The following BLOC1S2 variants were observed in gnomAD, a reference collection of about 807,000 sequenced individuals.
BLOC1S2 encodes biogenesis of lysosomal organelles complex 1 subunit 2.
Under a neutral mutation model 19.6 loss-of-function variants are expected in BLOC1S2, and 12 were observed. The ratio of observed to expected loss-of-function variants is 0.61; its 90% CI spans 0.39 to 0.99. BLOC1S2 has a LOEUF of 0.99. Ranked by LOEUF, BLOC1S2 falls within the 50% of genes least tolerant of loss-of-function variation. The probability of loss-of-function intolerance (pLI) is 0.00; values close to 1 mark genes in which losing one functional copy is unlikely to be tolerated. For missense variants in BLOC1S2, 142 were observed against 171.0 expected, an observed-to-expected ratio of 0.83 and a Z score of 0.95; for synonymous variants, 66 against 64.1, an observed-to-expected ratio of 1.03 and a Z score of -0.14.
intron 4 of BLOC1S2, among the ~76,000 whole-genome samples, chr10:100,277,047 T>C (rs1433963725): frequency 1.1e-4 from 16 of 147,428 alleles, no homozygotes; most frequent in Non-Finnish European, 2.0e-4. Flanking sequence ...CCATCCCACC[T>C]GGGAAGTGAG....
chr10:100,278,434 G>A (rs1195981193), intron 4 of BLOC1S2, among the ~76,000 whole-genome samples: 1 of 152,222 alleles, frequency 6.6e-6, no homozygotes, highest in Admixed American at 6.5e-5. Flanking sequence ...GATGGTTGCC[G>A]TGTCTGTGTA....
At chr10:100,284,645 C>G (rs745618317) in intron 2 of BLOC1S2, among the ~76,000 whole-genome samples, 17 of 152,110 alleles carry the variant, frequency 1.1e-4, no homozygotes, top group Non-Finnish European at 2.2e-4. Context: ...CGTGTGCCAC[C>G]ACACCTGGCT....
Position 100,281,060 on chromosome 10 carries a change from A to C in BLOC1S2, c.173-7T>G. 6.2e-7 allele frequency: 1 copy of C among 1,611,804 alleles called. No homozygotes were observed. Among genetic ancestry groups the C allele is most frequent in the Non-Finnish European group, 8.5e-7 (1 of 1,179,124 alleles). On this transcript the variant is annotated splice_region_variant and splice_polypyrimidine_tract_variant and intron_variant, in intron 2 of 4. Coordinates refer to ENST00000370372, the MANE Select transcript of BLOC1S2 (RefSeq NM_173809.5). ...TTATAGTCTTCACTGGTGGCTTGAA[A>C]ATTAAACAGAAGATGTAATGTCTTT...
At chr10:100,284,181 AG>A (rs1848178728) in intron 2 of BLOC1S2, among the ~76,000 whole-genome samples, 1 of 152,254 alleles carries the variant, frequency 6.6e-6, no homozygotes, top group South Asian at 2.1e-4. Flanking sequence ...GGGAGAAAAC[AG>A]AAAGTGGTAA....
At position 100,275,338 on chromosome 10, in the gene BLOC1S2, C is replaced by T; in HGVS notation, c.*124G>A. 1 of 984,040 alleles carries T rather than the reference C, an allele frequency of 1.0e-6. No individual in the cohort carries two copies. The highest frequency in any genetic ancestry group is 1.5e-6 in the Non-Finnish European group (1 of 657,752). 61.0% of individuals were successfully genotyped at this position (984,040 alleles called of 1,614,324 possible). ...AGTTTACTCGAACGTTGAGATGTTC[C>T]TGTGATGACCAGCATAATTTCCTTT... On this transcript the variant is annotated 3_prime_UTR_variant, in exon 5 of 5. Transcript: ENST00000370372.
intron 2 of BLOC1S2, among the ~76,000 whole-genome samples, chr10:100,283,409 T>C (rs142002212): frequency 6.6e-6 from 1 of 152,270 alleles, no homozygotes; most frequent in East Asian, 1.9e-4. Flanking sequence ...CTTAAACTAC[T>C]GGCCTCAAGC....
intron 2 of BLOC1S2, among the ~76,000 whole-genome samples, chr10:100,282,649 A>G (rs1031519980): frequency 1.3e-5 from 2 of 152,260 alleles, no homozygotes; most frequent in Admixed American, 6.5e-5. Flanking sequence ...ACTGATGTTT[A>G]CATGGGTAGC....
chr10:100,275,561 T>C, intron 4 of BLOC1S2, 68 bp from the exon 5 acceptor site: 1 of 1,432,106 alleles, frequency 7.0e-7, no homozygotes, highest in Non-Finnish European at 9.6e-7. Context: ...TTAGTTAGCA[T>C]TTCCAGTCAA....
intron 2 of BLOC1S2, among the ~76,000 whole-genome samples, chr10:100,284,109 T>C (rs1328227320): frequency 3.9e-5 from 6 of 152,252 alleles, no homozygotes; most frequent in Admixed American, 1.3e-4. Context: ...TCTGTACTGC[T>C]ACTAATAAAA....
chr10:100,277,690 C>T (rs1175256154), intron 4 of BLOC1S2, among the ~76,000 whole-genome samples: 4 of 140,232 alleles, frequency 2.9e-5, no homozygotes, highest in African/African-American at 2.7e-5. Context: ...CCAGCCGCCC[C>T]GTCCGGGAGG....
intron 4 of BLOC1S2, among the ~76,000 whole-genome samples, chr10:100,278,274 C>T (rs1466393970): frequency 6.6e-6 from 1 of 151,918 alleles, no homozygotes; most frequent in South Asian, 2.1e-4. Context: ...TCTGCCCGGC[C>T]GCCCCTACTG....
intron 4 of BLOC1S2, among the ~76,000 whole-genome samples, chr10:100,278,811 A>AC (rs1013978335): frequency 6.7e-6 from 1 of 148,652 alleles, no homozygotes; most frequent in Non-Finnish European, 1.5e-5. Context: ...ATGATCAATA[A>AC]AAAAAAAAAA....
chr10:100,280,174 G>A lies in BLOC1S2; in HGVS notation c.347C>T (p.Ala116Val). Reference protein sequence around the residue: ...DQINVIEEQVAALEQAAYKLD... With the variant: ...DQINVIEEQVVALEQAAYKLD... ...CTTGTAAGCTGCCTGCTCAAGAGCT[G>A]CTACCTGCTCTTCAATGACATTGAT... is the stretch of plus-strand genomic sequence containing the variant. Residue 116 changes from alanine (A) to valine (V), a missense_variant, in exon 4 of 5, where the codon GCA (alanine) becomes GTA (valine). By Grantham distance (64) the Ala-to-Val change is moderately conservative. Transcript: ENST00000370372. The A allele has an allele frequency of 6.2e-7, 1 of 1,613,490 alleles. No individual in the cohort carries two copies.
chr10:100,286,494 C>G (rs1175564649), intron 1 of BLOC1S2, 111 bp downstream of exon 1: 11 of 1,529,038 alleles, frequency 7.2e-6, no homozygotes, highest in Non-Finnish European at 9.7e-6. Context: ...AAGTGCACTC[C>G]TCTCACCAGC....
At chr10:100,278,642 G>A (rs546870006) in intron 4 of BLOC1S2, among the ~76,000 whole-genome samples, 27 of 152,356 alleles carry the variant, frequency 1.8e-4, no homozygotes, top group Admixed American at 4.6e-4. Context: ...CAGCATGCTC[G>A]TTAAGAGTCA....
intron 2 of BLOC1S2, among the ~76,000 whole-genome samples, chr10:100,283,492 C>G (rs1357708043): frequency 6.6e-6 from 1 of 152,026 alleles, no homozygotes; most frequent in Non-Finnish European, 1.5e-5. Flanking sequence ...TACTTTTCAT[C>G]TGAATTATTG....
chr10:100,282,502 C>T (rs558506716), intron 2 of BLOC1S2, among the ~76,000 whole-genome samples: 1 of 152,230 alleles, frequency 6.6e-6, no homozygotes, highest in Admixed American at 6.5e-5. Flanking sequence ...TGCTCATTTC[C>T]TTTGGCTGCT....
chr10:100,284,604 T>C (rs1848189106), intron 2 of BLOC1S2, among the ~76,000 whole-genome samples: 1 of 152,082 alleles, frequency 6.6e-6, no homozygotes, highest in Admixed American at 6.6e-5. Flanking sequence ...GATTCTCCCG[T>C]GTCAGCCTCC....
intron 4 of BLOC1S2, among the ~76,000 whole-genome samples, chr10:100,278,809 T>A (rs1435095443): frequency 6.2e-4 from 86 of 137,736 alleles, no homozygotes; most frequent in Middle Eastern, 3.6e-3. Flanking sequence ...GAATGATCAA[T>A]AAAAAAAAAA....
Sources: gnomAD v4.1 joint callset for allele counts (sites outside exome capture counted in the v4.1 genomes callset) on GRCh38, gnomAD v4.1.1 for gene constraint, MANE v1.5 for transcripts, NCBI Gene and HGNC (gene_info 2026-07-23, HGNC 2026-07-21) for gene names.